CNTN5: variants seen among roughly 807,000 people sequenced by gnomAD.
The protein encoded by CNTN5 is contactin 5, also known as contactin-5.
In CNTN5, 77 loss-of-function variants were observed where a neutral mutation model predicts 129.1. The ratio of observed to expected loss-of-function variants is 0.60; its 90% confidence interval spans 0.50 to 0.72. CNTN5 has a LOEUF of 0.72. Ranked by LOEUF, CNTN5 falls within the 30% of genes least tolerant of loss-of-function variation. The pLI, the probability that CNTN5 is intolerant of heterozygous loss-of-function variation, is 0.00. For synonymous variants in CNTN5, 509 were observed against 465.6 expected, an observed-to-expected ratio of 1.09 and a Z score of -1.20; for missense variants, 1,478 against 1,328.8, an observed-to-expected ratio of 1.11 and a Z score of -1.75.
At chr11:99,896,465 A>T (rs1426364062) in intron 6 of CNTN5, among the ~76,000 whole-genome samples, 24 of 152,120 alleles carry the variant, frequency 1.6e-4, no homozygotes, top group Non-Finnish European at 8.8e-5. Flanking sequence ...CATAGCTGAG[A>T]TACAGAGGAG....
chr11:100,211,008 G>C (rs549754005), intron 15 of CNTN5, among the ~76,000 whole-genome samples: 1 of 152,090 alleles, frequency 6.6e-6, no homozygotes, highest in Admixed American at 6.6e-5. Flanking sequence ...AATAAAAACT[G>C]TCTGTAGTTA....
rs75885918 is a variant in CNTN5, at chr11:99,037,971, C to T, written c.-210+16701C>T. 8.9e-3 allele frequency among the ~76,000 whole-genome samples: 1,354 copies of T among 152,018 alleles called. 13 individuals carry two copies. Among genetic ancestry groups the T allele is most frequent in the East Asian group, 0.053 (273 of 5,172 alleles). Reference sequence around the variant, plus strand: ...TAAACTGCTTTGCCTAACATAAACACGGGGGTATTTATTTAATTAATTTTT... The same window carrying T: ...TAAACTGCTTTGCCTAACATAAACATGGGGGTATTTATTTAATTAATTTTT... On this transcript the variant is annotated intron_variant, in intron 1 of 24. Coordinates refer to ENST00000524871, the MANE Select transcript of CNTN5 (RefSeq NM_014361.4).
chr11:100,203,730 C>T (rs1303489485), intron 15 of CNTN5, among the ~76,000 whole-genome samples: 1 of 149,256 alleles, frequency 6.7e-6, no homozygotes, highest in Admixed American at 6.7e-5. Context: ...CTATCATTAC[C>T]ATGTTTCTAA....
intron 8 of CNTN5, among the ~76,000 whole-genome samples, chr11:99,986,061 C>A (rs1938654217): frequency 6.6e-6 from 1 of 152,168 alleles, no homozygotes; most frequent in South Asian, 2.1e-4. Context: ...TTTACTACTT[C>A]CACTTAAACA....
chr11:100,303,889 G>A (rs1430785660), intron 20 of CNTN5, among the ~76,000 whole-genome samples: 1 of 151,548 alleles, frequency 6.6e-6, no homozygotes, highest in South Asian at 2.1e-4. Context: ...TTGGATTAGT[G>A]CCTATAAAAG....
chr11:99,408,236 A>C (rs1385305682), intron 2 of CNTN5, among the ~76,000 whole-genome samples: 1 of 151,282 alleles, frequency 6.6e-6, no homozygotes, highest in Non-Finnish European at 1.5e-5. Flanking sequence ...ATTAGATACA[A>C]GAGACTGTGT....
chr11:99,247,518 A>T (rs1425761823), intron 1 of CNTN5, among the ~76,000 whole-genome samples: 1 of 151,860 alleles, frequency 6.6e-6, no homozygotes, highest in Non-Finnish European at 1.5e-5. Flanking sequence ...CGTGCAGGTT[A>T]GTTACATATG....
rs530169905 is a variant in CNTN5 at position 99,224,692 on chromosome 11, CT to C, written c.-209-100653del. Among the ~76,000 whole-genome samples, 14 of 117,122 alleles carry C rather than the reference CT, an allele frequency of 1.2e-4. No individual in the cohort carries two copies. The South Asian group carries it at 3.5e-3, about 29-fold the overall frequency. The allele number at this position is 117,122 out of a possible 152,430, so 76.8% of individuals were successfully genotyped here. A position where few individuals can be genotyped will look rare whatever the true frequency, so the allele number is the denominator to read the frequency against. ...TTTTTTTTTTTGAGACAGTCTTGCT[CT>C]GTCACCCAAGCTGGAGTTCAGTGCC... On this transcript the variant is annotated intron_variant, in intron 1 of 24. Coordinates refer to ENST00000524871, the MANE Select transcript of CNTN5 (RefSeq NM_014361.4).
At chr11:99,312,383 C>T (rs961957359) in intron 1 of CNTN5, among the ~76,000 whole-genome samples, 1 of 151,990 alleles carries the variant, frequency 6.6e-6, no homozygotes, top group Non-Finnish European at 1.5e-5. Context: ...GCCTTCGATT[C>T]TTTATGTGTT....
chr11:99,942,235 G>A (rs2407306), intron 7 of CNTN5, among the ~76,000 whole-genome samples: 61,916 of 151,756 alleles, frequency 0.41, 12,875 homozygotes, highest in South Asian at 0.47. Context: ...CTCTAGATGA[G>A]TATGTGATCT....
At chr11:99,712,136 G>A (rs1013391349) in intron 3 of CNTN5, among the ~76,000 whole-genome samples, 2 of 152,062 alleles carry the variant, frequency 1.3e-5, no homozygotes, top group African/African-American at 4.8e-5. Context: ...GTCCTCTCCA[G>A]CATCTGTTGT....
intron 3 of CNTN5, among the ~76,000 whole-genome samples, chr11:99,578,311 C>A (rs1949437120): frequency 1.3e-5 from 2 of 151,704 alleles, no homozygotes; most frequent in Non-Finnish European, 2.9e-5. Flanking sequence ...GTCTTTATGG[C>A]AGCATGATTT....
chr11:99,787,460 T>C (rs2514375), intron 3 of CNTN5, among the ~76,000 whole-genome samples: 1 of 151,486 alleles, frequency 6.6e-6, no homozygotes, highest in Admixed American at 6.6e-5. Context: ...GCAGTGAGAA[T>C]GTATTTGAGG....
chr11:99,600,192 C>T (rs1393664402), intron 3 of CNTN5, among the ~76,000 whole-genome samples: 4 of 152,066 alleles, frequency 2.6e-5, no homozygotes, highest in Admixed American at 6.6e-5. Context: ...GCATTTTATA[C>T]CTGTAACAAA....
At chr11:99,727,866 A>G (rs1294648035) in intron 3 of CNTN5, among the ~76,000 whole-genome samples, 1 of 151,970 alleles carries the variant, frequency 6.6e-6, no homozygotes, top group Admixed American at 6.6e-5. Flanking sequence ...CATATTTATT[A>G]ACTTATTTAA....
intron 24 of CNTN5, among the ~76,000 whole-genome samples, chr11:100,354,878 A>G (rs539395090): frequency 1.3e-5 from 2 of 151,698 alleles, no homozygotes; most frequent in Non-Finnish European, 3.0e-5. Flanking sequence ...AGATAAAAAA[A>G]TGGTATACCT....
intron 3 of CNTN5, among the ~76,000 whole-genome samples, chr11:99,711,775 T>C (rs1247057314): frequency 6.6e-6 from 1 of 152,048 alleles, no homozygotes. Flanking sequence ...AATCATGGTT[T>C]CCAGCTTTTT....
At chr11:99,221,423 T>C (rs1239811651) in intron 1 of CNTN5, among the ~76,000 whole-genome samples, 1 of 151,938 alleles carries the variant, frequency 6.6e-6, no homozygotes, top group Non-Finnish European at 1.5e-5. Flanking sequence ...TTGTTTCTTG[T>C]TTAAAAATTG....
chr11:100,032,782 C>CT (rs146936421), intron 9 of CNTN5, among the ~76,000 whole-genome samples: 12,519 of 152,020 alleles, frequency 0.082, 618 homozygotes, highest in East Asian at 0.2. Flanking sequence ...CCTACATAGT[C>CT]TTTGAGTATA....
Sources: allele counts gnomAD v4.1 joint callset (sites outside exome capture counted in the v4.1 genomes callset), GRCh38; gene constraint gnomAD v4.1.1; transcripts MANE v1.5; gene names NCBI Gene and HGNC (gene_info 2026-07-23, HGNC 2026-07-21).